The following TXLNB variants were observed in gnomAD, a reference collection of about 807,000 sequenced individuals.
The protein encoded by TXLNB is taxilin beta.
A neutral mutation model predicts 57.4 loss-of-function variants in TXLNB; 37 were observed. The observed-to-expected ratio is 0.64, with a 90% CI of 0.50 to 0.85. The LOEUF (loss-of-function observed/expected upper bound fraction) is 0.85, where lower values mean the gene tolerates loss of function less well. TXLNB is among the 40% of genes least tolerant of loss of function. The pLI is 0.00. For synonymous variants in TXLNB, 302 were observed against 309.6 expected, an observed-to-expected ratio of 0.98 and a Z score of 0.26; for missense variants, 848 against 825.6, an observed-to-expected ratio of 1.03 and a Z score of -0.33.
chr6:139,165,195 G>A, the TXLNB span, among the ~76,000 whole-genome samples: 4 of 152,022 alleles, frequency 2.6e-5, no homozygotes, highest in East Asian at 1.9e-4. Flanking sequence ...ACTTTTACAC[G>A]GCTAGTATCC....
At position 139,270,623 on chromosome 6, in the gene TXLNB, C is replaced by T; in HGVS notation, c.520G>A (p.Asp174Asn). ...TTCTTTTGCTCAGTACGATGTTCAT[C>T]CAGCTGTACACATGGAGATACAAAC... ...FLFKKYAELL[D>N]EHRTEQKKLK... The change falls in exon 4 of 10, where the codon GAT becomes AAT. Residue 174 changes from aspartate (D) to asparagine (N), a missense_variant. Coordinates refer to ENST00000358430, the MANE Select transcript of TXLNB (RefSeq NM_153235.4). The T allele has an allele frequency of 1.2e-6, 2 of 1,613,816 alleles. No homozygotes were observed. The highest frequency in any genetic ancestry group is 1.7e-6 in the Non-Finnish European group (2 of 1,179,866).
chr6:139,212,093 G>T, the TXLNB span, among the ~76,000 whole-genome samples: 1 of 152,122 alleles, frequency 6.6e-6, no homozygotes, highest in Non-Finnish European at 1.5e-5. Context: ...ATCTAGCAAG[G>T]CAGGCCAACA....
At chr6:139,201,344 G>A in the TXLNB span, among the ~76,000 whole-genome samples, 5,383 of 152,284 alleles carry the variant, frequency 0.035, 112 homozygotes, top group Non-Finnish European at 0.049. Flanking sequence ...AACTAAATTG[G>A]TAATCTGACC....
the TXLNB span, among the ~76,000 whole-genome samples, chr6:139,173,068 A>AT: frequency 6.6e-6 from 1 of 152,084 alleles, no homozygotes; most frequent in Non-Finnish European, 1.5e-5. Flanking sequence ...TGCAAATGAA[A>AT]TTTTTTCCAG....
chr6:139,247,742 A>C (rs1776100970), intron 8 of TXLNB, 75 bp downstream of exon 8: 6 of 1,073,744 alleles, frequency 5.6e-6, no homozygotes, highest in Non-Finnish European at 8.3e-6. Flanking sequence ...TTAGTGAGAG[A>C]AAAAGGAAAC....
At chr6:139,244,106 G>C (rs1321652600) in intron 9 of TXLNB, among the ~76,000 whole-genome samples, 2 of 152,166 alleles carry the variant, frequency 1.3e-5, no homozygotes, top group African/African-American at 2.4e-5. Context: ...CCTGGCATGA[G>C]ATCAGTGTTT....
At chr6:139,313,191 G>A in the TXLNB span, among the ~76,000 whole-genome samples, 1 of 151,750 alleles carries the variant, frequency 6.6e-6, no homozygotes, top group Non-Finnish European at 1.5e-5. Flanking sequence ...TCCTGCCTCA[G>A]CCTCCCGAGT....
At chr6:139,292,236 G>C (rs1777318961), upstream of TXLNB, 1 of 152,274 alleles carries the variant, frequency 6.6e-6, no homozygotes. This position sits in a 1 kb window ranked among gnomAD's most constrained non-coding sequence, Gnocchi z 4.0. Flanking sequence ...TACCTTAGCA[G>C]AGAGAAGCAG....
intron 4 of TXLNB, chr6:139,269,064 T>C (rs992041481): frequency 2.6e-5 from 4 of 152,190 alleles, no homozygotes; most frequent in Non-Finnish European, 5.9e-5. Flanking sequence ...ACTCAGCTAA[T>C]TTTCCTGATT....
chr6:139,199,945 T>C, the TXLNB span: 9 of 152,198 alleles, frequency 5.9e-5, no homozygotes, highest in Admixed American at 4.6e-4. Context: ...AGACCTCCAA[T>C]GACAGGAAGC....
the TXLNB span, among the ~76,000 whole-genome samples, chr6:139,213,585 A>C: frequency 6.6e-6 from 1 of 152,218 alleles, no homozygotes. Context: ...AGCAAGAGCA[A>C]ACACATTCAA....
chr6:139,289,104 C>A (rs1418383465), intron 1 of TXLNB, among the ~76,000 whole-genome samples, 191 bp from the exon 2 acceptor site: 4 of 152,172 alleles, frequency 2.6e-5, no homozygotes, highest in African/African-American at 9.7e-5. Flanking sequence ...TCGTCTTATG[C>A]CCAATTTCTG....
the TXLNB span, among the ~76,000 whole-genome samples, chr6:139,221,954 C>T: frequency 6.6e-6 from 1 of 151,648 alleles, no homozygotes; most frequent in Non-Finnish European, 1.5e-5. Flanking sequence ...CCACTAAAAG[C>T]TTAAGGAAAG....
chr6:139,219,690 C>G, the TXLNB span, among the ~76,000 whole-genome samples: 1 of 152,146 alleles, frequency 6.6e-6, no homozygotes, highest in African/African-American at 2.4e-5. Context: ...GAGGCTGAGA[C>G]GGCAGGCAGG....
At chr6:139,309,144 T>C in the TXLNB span, among the ~76,000 whole-genome samples, 2 of 152,190 alleles carry the variant, frequency 1.3e-5, no homozygotes, top group South Asian at 2.1e-4. Flanking sequence ...CAGTGATGAC[T>C]GTCCAGTGGG....
the TXLNB span, among the ~76,000 whole-genome samples, chr6:139,228,350 C>T: frequency 6.6e-6 from 1 of 151,982 alleles, no homozygotes; most frequent in Non-Finnish European, 1.5e-5. Flanking sequence ...CATAGTGAAA[C>T]CCCATCTCTA....
chr6:139,307,493 C>G, the TXLNB span, among the ~76,000 whole-genome samples: 1 of 152,180 alleles, frequency 6.6e-6, no homozygotes, highest in Admixed American at 6.5e-5. Flanking sequence ...ATGGCCTCAA[C>G]AAATATCTAT....
the TXLNB span, among the ~76,000 whole-genome samples, chr6:139,164,044 ACT>A: frequency 4.1e-5 from 6 of 145,164 alleles, no homozygotes; most frequent in South Asian, 2.2e-4. Flanking sequence ...GTCAGCATGG[ACT>A]CTCACACACA....
chr6:139,289,327 G>A lies in TXLNB; in HGVS notation c.-14-414C>T, dbSNP rs1049600973. On this transcript the variant is annotated intron_variant, in intron 1 of 9. Coordinates refer to ENST00000358430, the MANE Select transcript of TXLNB (RefSeq NM_153235.4). ...ACCGGTGCATGCAGCCCCCAGTCAC[G>A]TACCCCCTGCTTGCTCAATCAATCA... Among the ~76,000 whole-genome samples the A allele has an allele frequency of 3.5e-5, 5 of 141,854 alleles. No homozygotes were observed. In the East Asian group the frequency reaches 9.8e-4, roughly 28 times the overall value. 93.1% of individuals were successfully genotyped at this position (141,854 alleles called of 152,430 possible).
Sources: allele counts gnomAD v4.1 joint callset (sites outside exome capture counted in the v4.1 genomes callset), GRCh38; gene constraint gnomAD v4.1.1; non-coding constraint Gnocchi (gnomAD v3.1); transcripts MANE v1.5; gene names NCBI Gene and HGNC (gene_info 2026-07-23, HGNC 2026-07-21).